The following TSNARE1 variants were observed in gnomAD, a reference collection of about 807,000 sequenced individuals.
The protein encoded by TSNARE1 is t-SNARE domain-containing protein 1.
Under a neutral mutation model 62.0 loss-of-function variants are expected in TSNARE1, and 49 were observed. That is an observed-to-expected ratio of 0.79 (90% confidence interval 0.63 to 1.00). TSNARE1 has a LOEUF of 1.00. Among genes scored for constraint, TSNARE1 ranks in the 50% least tolerant of loss-of-function variants. The pLI is 0.00. For synonymous variants in TSNARE1, 328 were observed against 294.4 expected, an observed-to-expected ratio of 1.11 and a Z score of -1.17; for missense variants, 755 against 700.1, an observed-to-expected ratio of 1.08 and a Z score of -0.88.
At chr8:142,304,985 T>A (rs908822063) in intron 9 of TSNARE1, among the ~76,000 whole-genome samples, 1 of 152,030 alleles carries the variant, frequency 6.6e-6, no homozygotes, top group Non-Finnish European at 1.5e-5. Context: ...AACAAACTTT[T>A]GAGGTAAGAG....
chr8:142,352,902 C>T lies in TSNARE1; in HGVS notation c.88+1735G>A, dbSNP rs201772554. Among the ~76,000 whole-genome samples the T allele has an allele frequency of 3.3e-5, 5 of 152,322 alleles. No homozygotes were observed. In the East Asian group the frequency reaches 9.7e-4, roughly 29 times the overall value. On this transcript the variant is annotated intron_variant, in intron 2 of 13. Coordinates refer to ENST00000524325, the MANE Select transcript of TSNARE1 (RefSeq NM_145003.5). Reference sequence around the variant, plus strand: ...TAGATCTGAACCTGTGTCTACACCCCACGCACACGTGTGCACATGCACACA... The same window carrying T: ...TAGATCTGAACCTGTGTCTACACCCTACGCACACGTGTGCACATGCACACA...
upstream of TSNARE1, chr8:142,406,430 GGCCCCACACACCTGGAACACACAGT>G (rs1489030277): frequency 6.6e-6 from 1 of 152,322 alleles, no homozygotes; most frequent in Non-Finnish European, 1.5e-5. Flanking sequence ...GGCGCGTCAT[GGCCCCACACACCTGGAACACACAGT>G]GCCCCACACC....
intron 12 of TSNARE1, among the ~76,000 whole-genome samples, chr8:142,255,238 C>T (rs1035453927): frequency 7.2e-5 from 11 of 151,974 alleles, no homozygotes; most frequent in African/African-American, 2.2e-4. Flanking sequence ...TATGCAGTGC[C>T]TAGTATGGAG....
intron 12 of TSNARE1, among the ~76,000 whole-genome samples, chr8:142,261,126 AGGAG>A (rs1318791158): frequency 3.5e-5 from 3 of 84,736 alleles, no homozygotes; most frequent in African/African-American, 1.5e-4. Context: ...GGAGAGAGAG[AGGAG>A]GGAGGGAAGG....
intron 11 of TSNARE1, chr8:142,280,080 CCA>C: frequency 8.3e-7 from 1 of 1,209,286 alleles, no homozygotes; most frequent in Non-Finnish European, 1.0e-6. Context: ...GGATGCGGCT[CCA>C]CACGCGGTGC....
intron 1 of TSNARE1, among the ~76,000 whole-genome samples, chr8:142,396,290 C>T (rs1016337691): frequency 6.6e-6 from 1 of 152,140 alleles, no homozygotes; most frequent in Non-Finnish European, 1.5e-5. Flanking sequence ...CCTGGAAACG[C>T]TTGACTCAGC....
At chr8:142,381,610 G>A (rs1157576406) in intron 1 of TSNARE1, among the ~76,000 whole-genome samples, 1 of 152,230 alleles carries the variant, frequency 6.6e-6, no homozygotes, top group Non-Finnish European at 1.5e-5. Context: ...GTGCTGAGGG[G>A]TCTGGAGTGA....
At chr8:142,295,200 AC>A (rs574631451) in intron 10 of TSNARE1, among the ~76,000 whole-genome samples, 65 of 152,186 alleles carry the variant, frequency 4.3e-4, no homozygotes, top group Admixed American at 3.9e-3. Context: ...GACTGGCACA[AC>A]CCCTCCCGCT....
At chr8:142,380,324 C>G (rs117452883) in intron 1 of TSNARE1, among the ~76,000 whole-genome samples, 1 of 152,194 alleles carries the variant, frequency 6.6e-6, no homozygotes, top group South Asian at 2.1e-4. Context: ...TTCCTCCTTC[C>G]GGGCACCACC....
At chr8:142,315,989 G>GA (rs1828468212) in intron 7 of TSNARE1, among the ~76,000 whole-genome samples, 1 of 152,216 alleles carries the variant, frequency 6.6e-6, no homozygotes, top group South Asian at 2.1e-4. Flanking sequence ...GCTTCACGAG[G>GA]AAACTGCCTG....
At chr8:142,225,308 C>A (rs1431789469) in intron 13 of TSNARE1, among the ~76,000 whole-genome samples, 4 of 152,134 alleles carry the variant, frequency 2.6e-5, no homozygotes, top group Non-Finnish European at 5.9e-5. Context: ...GCTGCCTAAC[C>A]ACCTTCTCTG....
intron 7 of TSNARE1, among the ~76,000 whole-genome samples, chr8:142,316,196 T>C (rs985271118): frequency 6.7e-5 from 10 of 148,384 alleles, no homozygotes; most frequent in African/African-American, 2.4e-4. Flanking sequence ...AGAACAAAGC[T>C]ACAGAGGAAG....
At chr8:142,251,484 C>T (rs1818160618) in intron 12 of TSNARE1, among the ~76,000 whole-genome samples, 1 of 152,186 alleles carries the variant, frequency 6.6e-6, no homozygotes, top group Non-Finnish European at 1.5e-5. Flanking sequence ...ACGAGCAGCT[C>T]AGGGCAGAGG....
Position 142,344,306 on chromosome 8 carries a change from C to T in TSNARE1, c.405G>A (p.Val135=). Residue 135 remains valine, a synonymous_variant, in exon 4 of 14, where the codon GTG becomes GTA. Coordinates refer to ENST00000524325, the MANE Select transcript of TSNARE1 (RefSeq NM_145003.5). ...KPNFCPQETE[V]LVSKVSKHHQ... is the part of the protein sequence containing the mutation. ...GGTGCTTGCTCACCTTGGACACCAG[C>T]ACCTCGGTCTCCTGCGGGCAGAAGT... is the stretch of plus-strand genomic sequence containing the variant. The T allele has an allele frequency of 6.3e-7, 1 of 1,595,308 alleles. No individual in the cohort carries two copies. The highest frequency in any genetic ancestry group is 8.6e-7 in the Non-Finnish European group (1 of 1,167,286).
At chr8:142,293,935 G>A (rs1824245363) in intron 10 of TSNARE1, among the ~76,000 whole-genome samples, 1 of 152,200 alleles carries the variant, frequency 6.6e-6, no homozygotes, top group African/African-American at 2.4e-5. Flanking sequence ...GGCCACCACA[G>A]CCACCCTATT....
intron 12 of TSNARE1, among the ~76,000 whole-genome samples, chr8:142,243,665 C>T (rs185066148): frequency 2.2e-4 from 33 of 152,260 alleles, no homozygotes; most frequent in African/African-American, 5.8e-4. Context: ...AAGAGCAATA[C>T]GTTCTGGTGC....
At chr8:142,307,630 G>C (rs1826906129) in intron 9 of TSNARE1, among the ~76,000 whole-genome samples, 1 of 152,134 alleles carries the variant, frequency 6.6e-6, no homozygotes, top group Non-Finnish European at 1.5e-5. Context: ...AAAAGAAGAG[G>C]CTGTCCATGT....
In TSNARE1 at chr8:142,343,949, C is replaced by G; in HGVS notation, c.745+17G>C. 2 of 1,505,220 alleles carry G rather than the reference C, an allele frequency of 1.3e-6. No individual in the cohort carries two copies. Among genetic ancestry groups the G allele is most frequent in the Non-Finnish European group, 1.8e-6 (2 of 1,127,054 alleles). 93.2% of individuals were successfully genotyped at this position (1,505,220 alleles called of 1,614,324 possible). A position where few individuals can be genotyped will look rare whatever the true frequency, so the allele number is the denominator to read the frequency against. ...CAGAGTGGCACCCTAGCAAGGTGAG[C>G]TGAGCAAGGAACTCACCTCTGGGCG... On this transcript the variant is annotated intron_variant, in intron 4 of 13. Transcript: ENST00000524325.
At chr8:142,337,477 A>C (rs554174756) in intron 4 of TSNARE1, among the ~76,000 whole-genome samples, 89 of 152,376 alleles carry the variant, frequency 5.8e-4, no homozygotes, top group African/African-American at 2.1e-3. Context: ...CTATGTCCAA[A>C]GACATGCCTG....
Sources: allele counts gnomAD v4.1 joint callset (sites outside exome capture counted in the v4.1 genomes callset), GRCh38; gene constraint gnomAD v4.1.1; transcripts MANE v1.5; gene names NCBI Gene and HGNC (gene_info 2026-07-23, HGNC 2026-07-21).